Variants in CHEK2 observed in about 807,000 individuals in gnomAD.
CHEK2 encodes the protein checkpoint kinase 2.
A neutral mutation model predicts 69.1 loss-of-function variants in CHEK2; 71 were observed. The ratio of observed to expected loss-of-function variants is 1.03; its 90% CI spans 0.85 to 1.25. The LOEUF (loss-of-function observed/expected upper bound fraction) is 1.25. Among genes scored for constraint, CHEK2 ranks in the 50% most tolerant of loss-of-function variants. The probability of loss-of-function intolerance (pLI) is 0.00; values close to 1 mark genes in which losing one functional copy is unlikely to be tolerated. For missense variants in CHEK2, 664 were observed against 649.6 expected, an observed-to-expected ratio of 1.02 and a Z score of -0.24; for synonymous variants, 189 against 226.9, an observed-to-expected ratio of 0.83 and a Z score of 1.50.
Position 28,703,526 on chromosome 22 carries a change from T to A in CHEK2, c.887A>T (p.Asp296Val), listed in dbSNP as rs777397542. ...IKIKNFFDAE[D>V]YYIVLELMEG... ...TTACAATTCCAAAACAATATAATAA[T>A]CTTCTGCATCAAAAAAGTTTTTAAT... Residue 296 changes from aspartate to valine, a missense_variant, in exon 8 of 15, where the codon GAT (aspartate) becomes GTT (valine). Coordinates refer to ENST00000404276, the MANE Select transcript of CHEK2 (RefSeq NM_007194.4). The A allele has an allele frequency of 1.3e-6, 2 of 1,536,360 alleles. No individual in the cohort carries two copies. The highest frequency in any genetic ancestry group is 1.8e-5 in the Admixed American group (1 of 56,278).
chr22:28,723,169 T>C (rs1175689877), intron 4 of CHEK2, among the ~76,000 whole-genome samples: 1 of 152,210 alleles, frequency 6.6e-6, no homozygotes, highest in Non-Finnish European at 1.5e-5. Context: ...CAGAAATGGA[T>C]GCTTATAAAA....
At chr22:28,722,450 G>T (rs1366712568) in intron 4 of CHEK2, among the ~76,000 whole-genome samples, 1 of 147,428 alleles carries the variant, frequency 6.8e-6, no homozygotes, top group Non-Finnish European at 1.5e-5. Context: ...TGAGGCAGGA[G>T]AATGGCGTGA....
Position 28,711,864 on chromosome 22 carries a change from G to A in CHEK2, c.792+45C>T, listed in dbSNP as rs749738621. The A allele has an allele frequency of 4.0e-6, 5 of 1,256,240 alleles. No homozygotes were observed. In the South Asian group the frequency reaches 4.8e-5, roughly 12 times the overall value. The allele number at this position is 1,256,240 out of a possible 1,614,324, so 77.8% of individuals were successfully genotyped here. A position where few individuals can be genotyped will look rare whatever the true frequency, so the allele number is the denominator to read the frequency against. On this transcript the variant is annotated intron_variant, in intron 6 of 14. Coordinates refer to ENST00000404276, the MANE Select transcript of CHEK2 (RefSeq NM_007194.4). ...ATCTAAGATTATTTTGGGAAGTTAT[G>A]AAGACGTGTTAATAAAAGGTGATCA...
At chr22:28,695,321 C>T in intron 11 of CHEK2, 79 bp from the exon 12 acceptor site, 1 of 840,016 alleles carries the variant, frequency 1.2e-6, no homozygotes, top group Non-Finnish European at 2.0e-6. Flanking sequence ...ATTTCTTTTT[C>T]AGCATAATGA....
chr22:28,730,510 G>A (rs995404577), intron 2 of CHEK2: 1 of 699,634 alleles, frequency 1.4e-6, no homozygotes, highest in Non-Finnish European at 2.6e-6. Flanking sequence ...GACAGCAGGA[G>A]TTCAAGATCA....
intron 9 of CHEK2, among the ~76,000 whole-genome samples, chr22:28,699,537 G>A (rs2052738339): frequency 6.6e-6 from 1 of 151,692 alleles, no homozygotes; most frequent in African/African-American, 2.4e-5. Flanking sequence ...GCTAATTTTT[G>A]TATTTTTAGT....
In CHEK2 at chr22:28,734,565, A is replaced by T. The variant is rs371657037; in HGVS notation, c.157T>A (p.Ser53Thr). 3.0e-5 allele frequency: 48 copies of T among 1,613,876 alleles called. No individual in the cohort carries two copies. Among genetic ancestry groups the T allele is most frequent in the Middle Eastern group, 1.6e-4 (1 of 6,084 alleles). The change falls in exon 2 of 15, where the codon TCT becomes ACT. Residue 53 changes from serine to threonine, a missense_variant. Coordinates refer to ENST00000404276, the MANE Select transcript of CHEK2 (RefSeq NM_007194.4). The part of the protein sequence containing the change: ...TSTMPNSSQS[S>T]HSSSGTLSSL... ...CTCAGTGTCCCAGAGCTGGAGTGAG[A>T]GGACTGGCTGGAGTTTGGCATCGTG...
At chr22:28,740,832 C>T (rs966659826) in intron 1 of CHEK2, among the ~76,000 whole-genome samples, 1 of 152,126 alleles carries the variant, frequency 6.6e-6, no homozygotes, top group African/African-American at 2.4e-5. Flanking sequence ...AGTATAGCCA[C>T]TATAGAGAAG....
intron 4 of CHEK2, among the ~76,000 whole-genome samples, chr22:28,721,065 G>A (rs1017175299): frequency 6.6e-5 from 10 of 152,152 alleles, no homozygotes; most frequent in African/African-American, 2.4e-4. Flanking sequence ...AAGACATCTG[G>A]ATGTTCACAT....
At chr22:28,730,460 T>C (rs2054178592) in intron 2 of CHEK2, 1 of 696,732 alleles carries the variant, frequency 1.4e-6, no homozygotes, top group East Asian at 2.7e-5. Flanking sequence ...TCACACCTCT[T>C]ATCCCAGCAC....
chr22:28,725,908 C>A (rs995897802), intron 2 of CHEK2, among the ~76,000 whole-genome samples: 26 of 142,868 alleles, frequency 1.8e-4, no homozygotes, highest in Non-Finnish European at 1.2e-4. Context: ...GACCCAGTTT[C>A]AAAAAAAAAA....
chr22:28,725,882 C>G (rs2053988179), intron 2 of CHEK2, among the ~76,000 whole-genome samples: 1 of 147,956 alleles, frequency 6.8e-6, no homozygotes, highest in Non-Finnish European at 1.5e-5. Flanking sequence ...GCACACTAGC[C>G]TGGGCGACAG....
intron 8 of CHEK2, among the ~76,000 whole-genome samples, chr22:28,700,540 C>T (rs982154491): frequency 6.6e-6 from 1 of 152,002 alleles, no homozygotes; most frequent in Non-Finnish European, 1.5e-5. Flanking sequence ...TTATCACACA[C>T]CACAGATGAT....
chr22:28,729,882 T>C (rs2054141984), intron 2 of CHEK2, among the ~76,000 whole-genome samples: 1 of 152,066 alleles, frequency 6.6e-6, no homozygotes, highest in African/African-American at 2.4e-5. Context: ...CCCAAAGCAC[T>C]GAGATTATAG....
intron 1 of CHEK2, 96 bp from the exon 2 acceptor site, chr22:28,734,823 A>AAC: frequency 7.5e-6 from 7 of 934,824 alleles, no homozygotes; most frequent in Non-Finnish European, 8.0e-6. Context: ...AGCAAAAGAA[A>AAC]AGAAAAAAAA....
chr22:28,712,662 G>A (rs569141658), intron 5 of CHEK2, among the ~76,000 whole-genome samples: 1 of 152,274 alleles, frequency 6.6e-6, no homozygotes, highest in Non-Finnish European at 1.5e-5. Flanking sequence ...TCCTGAGTAG[G>A]ATCTGTCCTC....
chr22:28,728,707 A>AAAAAC (rs868183885), intron 2 of CHEK2, among the ~76,000 whole-genome samples: 1 of 152,174 alleles, frequency 6.6e-6, no homozygotes, highest in Non-Finnish European at 1.5e-5. Flanking sequence ...CTGTCTCCAA[A>AAAAAC]AAAACAAAAC....
intron 9 of CHEK2, among the ~76,000 whole-genome samples, chr22:28,697,356 T>C (rs2052633756): frequency 6.6e-6 from 1 of 152,180 alleles, no homozygotes; most frequent in Non-Finnish European, 1.5e-5. Context: ...ATGATATATT[T>C]GGTTATTGCA....
chr22:28,739,777 C>T, intron 1 of CHEK2, among the ~76,000 whole-genome samples: 1 of 152,060 alleles, frequency 6.6e-6, no homozygotes, highest in East Asian at 1.9e-4. Flanking sequence ...AAAACAGATG[C>T]TGGAAAGAAT....
Sources: allele counts gnomAD v4.1 joint callset (sites outside exome capture counted in the v4.1 genomes callset), GRCh38; gene constraint gnomAD v4.1.1; transcripts MANE v1.5; gene names NCBI Gene and HGNC (gene_info 2026-07-23, HGNC 2026-07-21).